The following ELFN1 variants were observed in gnomAD, a reference collection of about 807,000 sequenced individuals.
The protein encoded by ELFN1 is protein ELFN1.
A neutral mutation model predicts 7.6 loss-of-function variants in ELFN1; 6 were observed. The ratio of observed to expected loss-of-function variants is 0.79; its 90% CI spans 0.43 to 1.56. The LOEUF (loss-of-function observed/expected upper bound fraction) is 1.56, where lower values mean the gene tolerates loss of function less well. ELFN1 is among the 40% of genes most tolerant of loss of function. The probability of loss-of-function intolerance (pLI) is 0.01; values close to 1 mark genes in which losing one functional copy is unlikely to be tolerated. For missense variants in ELFN1, 1,169 were observed against 1,232.2 expected (o/e 0.95, Z 0.77); for synonymous variants, 657 against 588.1 (o/e 1.12, Z -1.70).
intron 3 of ELFN1, among the ~76,000 whole-genome samples, chr7:1,711,769 TC>T (rs1779664506): frequency 6.6e-6 from 1 of 152,146 alleles, no homozygotes; most frequent in Non-Finnish European, 1.5e-5. Flanking sequence ...GATGACAGTG[TC>T]CCCACCTGAA....
intron 2 of ELFN1, among the ~76,000 whole-genome samples, chr7:1,707,827 GCACA>G (rs911854063): frequency 1.3e-4 from 20 of 151,994 alleles, no homozygotes; most frequent in African/African-American, 4.6e-4. Flanking sequence ...TCATCTATTT[GCACA>G]CACACACTTC....
chr7:1,724,422 T>G (rs1780122287), intron 3 of ELFN1, among the ~76,000 whole-genome samples: 1 of 152,184 alleles, frequency 6.6e-6, no homozygotes, highest in Admixed American at 6.5e-5. Context: ...CGGCCCCACC[T>G]CCCTGCTGGC....
intron 3 of ELFN1, among the ~76,000 whole-genome samples, chr7:1,711,575 TGAGAGAGAGAGAGAGAGAGAGAGAGA>T (rs55658122): frequency 8.0e-5 from 7 of 87,544 alleles, no homozygotes; most frequent in African/African-American, 1.9e-4. Flanking sequence ...AGCGAGAGAG[TGAGAGAGAGAGAGAGAGAGAGAGAGA>T]GAGAGAGAGA....
At chr7:1,693,204 G>A in intron 2 of ELFN1, 1 of 395,196 alleles carries the variant, frequency 2.5e-6, no homozygotes, top group South Asian at 1.9e-5. Flanking sequence ...GGCAGTGCAG[G>A]CCCTGGAGAT....
At chr7:1,721,419 G>A (rs1019591709) in intron 3 of ELFN1, among the ~76,000 whole-genome samples, 4 of 152,360 alleles carry the variant, frequency 2.6e-5, no homozygotes, top group Admixed American at 1.3e-4. Flanking sequence ...CTCCAGGCAC[G>A]CTGGAAGGCA....
At chr7:1,728,071 G>A (rs768348071) in intron 3 of ELFN1, among the ~76,000 whole-genome samples, 5 of 152,194 alleles carry the variant, frequency 3.3e-5, no homozygotes, top group Non-Finnish European at 5.9e-5. Context: ...AGGCAGGGCC[G>A]GACTTGGATC....
At chr7:1,734,697 C>CT (rs1303282573) in intron 3 of ELFN1, among the ~76,000 whole-genome samples, 1 of 150,696 alleles carries the variant, frequency 6.6e-6, no homozygotes, top group East Asian at 1.9e-4. Context: ...TGCATTTTCA[C>CT]TTTTTTTTTC....
intron 3 of ELFN1, chr7:1,738,768 GC>G (rs35313339): frequency 2.0e-5 from 3 of 151,960 alleles, no homozygotes; most frequent in Non-Finnish European, 1.5e-5. Flanking sequence ...CACCGCGCCG[GC>G]CCTGGGATGC....
At chr7:1,720,629 T>C (rs1272152555) in intron 3 of ELFN1, among the ~76,000 whole-genome samples, 1 of 152,146 alleles carries the variant, frequency 6.6e-6, no homozygotes, top group East Asian at 1.9e-4. Flanking sequence ...TTGTGATGCC[T>C]TTCTGAGCTC....
chr7:1,724,473 A>G (rs1272246120), intron 3 of ELFN1, among the ~76,000 whole-genome samples: 1 of 152,064 alleles, frequency 6.6e-6, no homozygotes, highest in Non-Finnish European at 1.5e-5. Flanking sequence ...TGACTTGTGG[A>G]GATGAATTTG....
intron 1 of ELFN1, among the ~76,000 whole-genome samples, chr7:1,686,971 G>A (rs984286989): frequency 8.5e-5 from 13 of 152,082 alleles, no homozygotes; most frequent in Non-Finnish European, 1.9e-4. Context: ...ACTTGCCACC[G>A]AGATTGCTGC....
Position 1,747,718 on chromosome 7 carries a change from C to A in ELFN1, c.*635C>A. ...CTGCTGGACTCAGGGTGGGTGGAGG[C>A]TGTGCCTGTGGACGGCCGGGGTGGC... On this transcript the variant is annotated 3_prime_UTR_variant, in exon 4 of 4. Coordinates refer to ENST00000424383, the MANE Select transcript of ELFN1 (RefSeq NM_001128636.4). 6.1e-6 allele frequency: 1 copy of A among 165,262 alleles called. No individual in the cohort carries two copies. 10.2% of individuals were successfully genotyped at this position (165,262 alleles called of 1,614,324 possible).
chr7:1,744,230 T>G, intron 3 of ELFN1, 74 bp from the exon 4 acceptor site: 1 of 268,408 alleles, frequency 3.7e-6, no homozygotes, highest in Non-Finnish European at 6.9e-6. Flanking sequence ...GCCGCCGCTG[T>G]GAGATGCCGG....
Position 1,693,427 on chromosome 7 carries a change from C to T in ELFN1, c.-456+5277C>T, listed in dbSNP as rs1269285611. On this transcript the variant is annotated intron_variant, in intron 2 of 3. Transcript: ENST00000424383. ...GAGTAGGTATGTGCACATATGTGTA[C>T]ACATAGGTGACATGGGCTTAGACTG... The T allele has an allele frequency of 6.4e-6, 3 of 471,146 alleles. No individual in the cohort carries two copies. The East Asian group carries it at 2.1e-4, about 33-fold the overall frequency. The allele number at this position is 471,146 out of a possible 1,614,324, so 29.2% of individuals were successfully genotyped here.
chr7:1,693,648 T>C (rs1311930621), intron 2 of ELFN1: 1 of 471,214 alleles, frequency 2.1e-6, no homozygotes, highest in South Asian at 1.5e-5. Flanking sequence ...TGTGAACACA[T>C]GCAGGTGAGC....
intron 1 of ELFN1, among the ~76,000 whole-genome samples, chr7:1,679,181 A>T (rs548640939): frequency 6.7e-6 from 1 of 148,216 alleles, no homozygotes; most frequent in African/African-American, 2.6e-5. Context: ...GTACGCGCGC[A>T]CACACACACA....
chr7:1,683,332 G>GT (rs1373685327), intron 1 of ELFN1, among the ~76,000 whole-genome samples: 9 of 151,674 alleles, frequency 5.9e-5, no homozygotes, highest in African/African-American at 1.5e-4. Context: ...TCTTAGTTTA[G>GT]TTTTTTTTGT....
intron 3 of ELFN1, among the ~76,000 whole-genome samples, chr7:1,728,541 G>A (rs1780255934): frequency 6.6e-6 from 1 of 152,172 alleles, no homozygotes; most frequent in Non-Finnish European, 1.5e-5. Flanking sequence ...AGCGCTCAGG[G>A]TCCCCTGGTT....
rs189293791 is a variant in ELFN1, at chr7:1,740,951, G to A, written c.-293-3353G>A. On this transcript the variant is annotated intron_variant, in intron 3 of 3. Transcript: ENST00000424383. This position sits in a 1 kb window ranked among gnomAD's most constrained non-coding sequence, Gnocchi z 5.0. The stretch of plus-strand genomic sequence containing the variant: ...TCGAAACCAGCCTGACCAATATGGT[G>A]AAACCCTGTCTCTACTAAAAGTACA... Among the ~76,000 whole-genome samples, 129 of 152,234 alleles carry A rather than the reference G, an allele frequency of 8.5e-4. No individual in the cohort carries two copies. The highest frequency in any genetic ancestry group is 2.9e-3 in the African/African-American group (121 of 41,554).
Sources: allele counts gnomAD v4.1 joint callset (sites outside exome capture counted in the v4.1 genomes callset), GRCh38; gene constraint gnomAD v4.1.1; non-coding constraint Gnocchi (gnomAD v3.1); transcripts MANE v1.5; gene names NCBI Gene and HGNC (gene_info 2026-07-23, HGNC 2026-07-21).